STK39: variants seen among roughly 807,000 people sequenced by gnomAD.
STK39 encodes the protein serine/threonine kinase 39, also known as STE20/SPS1-related proline-alanine-rich protein kinase.
Under a neutral mutation model 77.8 loss-of-function variants are expected in STK39, and 20 were observed. The ratio of observed to expected loss-of-function variants is 0.26; its 90% CI spans 0.18 to 0.37. The LOEUF is 0.37. Ranked by LOEUF, STK39 falls within the 10% of genes least tolerant of loss-of-function variation. The pLI, the probability that STK39 is intolerant of heterozygous loss-of-function variation, is 1.00. For missense variants in STK39, 479 were observed against 656.5 expected, an observed-to-expected ratio of 0.73 and a Z score of 2.95; for synonymous variants, 246 against 234.1, an observed-to-expected ratio of 1.05 and a Z score of -0.47.
At position 167,954,958 on chromosome 2, in the gene STK39, ACAGT is replaced by A. The variant is rs1327544700; in HGVS notation, c.*534_*537del. 6.5e-5 allele frequency: 10 copies of A among 152,838 alleles called. No homozygotes were observed. The highest frequency in any genetic ancestry group is 1.2e-4 in the Non-Finnish European group (8 of 68,080). The allele number at this position is 152,838 out of a possible 1,614,324, so 9.5% of individuals were successfully genotyped here. ...CATAAATATATGAAAAATAAAATTCACAGTCAGTTTTAAAACTAGAATTCAAGTT... is the reference window on the plus strand; with the variant it reads ...CATAAATATATGAAAAATAAAATTCACAGTTTTAAAACTAGAATTCAAGTT... On this transcript the variant is annotated 3_prime_UTR_variant, in exon 18 of 18. Coordinates refer to ENST00000355999, the MANE Select transcript of STK39 (RefSeq NM_013233.3).
intron 1 of STK39, among the ~76,000 whole-genome samples, chr2:168,191,479 G>T (rs1689338820): frequency 6.6e-6 from 1 of 152,132 alleles, no homozygotes; most frequent in African/African-American, 2.4e-5. Flanking sequence ...CTGGATTTGG[G>T]CAGATTTTTT....
intron 10 of STK39, among the ~76,000 whole-genome samples, chr2:168,112,227 A>C (rs1687137491): frequency 6.6e-6 from 1 of 152,090 alleles, no homozygotes; most frequent in African/African-American, 2.4e-5. Flanking sequence ...TCTCTACTCC[A>C]AGAGGACAGG....
chr2:168,078,862 T>C (rs1031858544), intron 10 of STK39, among the ~76,000 whole-genome samples: 1 of 152,030 alleles, frequency 6.6e-6, no homozygotes, highest in Non-Finnish European at 1.5e-5. Context: ...GTGGGAATCC[T>C]GCACTCAGCC....
intron 10 of STK39, among the ~76,000 whole-genome samples, chr2:168,089,972 T>C (rs535184289): frequency 6.6e-6 from 1 of 152,354 alleles, no homozygotes; most frequent in Non-Finnish European, 1.5e-5. Flanking sequence ...GTTTGGTCAA[T>C]GAAACTGCCA....
chr2:168,171,493 A>AT (rs11305638), intron 2 of STK39, among the ~76,000 whole-genome samples: 56 of 143,238 alleles, frequency 3.9e-4, no homozygotes, highest in Admixed American at 6.2e-4. Context: ...AAAAAACTTA[A>AT]TTTTTTTTTT....
At chr2:167,971,235 A>G (rs1314622211) in intron 16 of STK39, among the ~76,000 whole-genome samples, 2 of 152,112 alleles carry the variant, frequency 1.3e-5, no homozygotes, top group African/African-American at 4.8e-5. Context: ...CAAATTTCTG[A>G]TCCAAACTGG....
At chr2:168,035,743 T>A (rs1684935604) in intron 14 of STK39, among the ~76,000 whole-genome samples, 1 of 152,220 alleles carries the variant, frequency 6.6e-6, no homozygotes, top group Non-Finnish European at 1.5e-5. Flanking sequence ...GGAAACTTTG[T>A]GGGTGAGCAG....
At chr2:167,970,509 C>T (rs1692304350) in intron 16 of STK39, among the ~76,000 whole-genome samples, 1 of 152,222 alleles carries the variant, frequency 6.6e-6, no homozygotes, top group Non-Finnish European at 1.5e-5. Flanking sequence ...GATTCTAAGA[C>T]ACTAAGAACC....
chr2:168,047,693 T>A (rs899111144), intron 14 of STK39, among the ~76,000 whole-genome samples: 1 of 152,218 alleles, frequency 6.6e-6, no homozygotes, highest in Non-Finnish European at 1.5e-5. Flanking sequence ...TATAAACTTA[T>A]GGGGACAGGA....
chr2:167,987,488 A>T (rs10171012), intron 16 of STK39, among the ~76,000 whole-genome samples: 16,063 of 151,872 alleles, frequency 0.11, 1,202 homozygotes, highest in Middle Eastern at 0.19. Context: ...CTGGGACAAA[A>T]ATATATATAT....
At chr2:168,171,318 T>C (rs1688817453) in intron 2 of STK39, among the ~76,000 whole-genome samples, 1 of 152,084 alleles carries the variant, frequency 6.6e-6, no homozygotes, top group Non-Finnish European at 1.5e-5. Context: ...ACACTGCTGT[T>C]ATGCCAGCCC....
chr2:168,026,670 T>C (rs1684706938), intron 14 of STK39, among the ~76,000 whole-genome samples: 1 of 152,110 alleles, frequency 6.6e-6, no homozygotes. Flanking sequence ...AAAGGAAGAC[T>C]TTTCCCCCAG....
Position 168,208,294 on chromosome 2 carries a change from G to A in STK39, c.209-26204C>T, listed in dbSNP as rs569735180. On this transcript the variant is annotated intron_variant, in intron 1 of 17. Transcript: ENST00000355999. Reference sequence around the variant, plus strand: ...GATTTAAGGATCTGCTAACCTATTGGACTATATAACCCTAAAATGATCAAG... The same window carrying A: ...GATTTAAGGATCTGCTAACCTATTGAACTATATAACCCTAAAATGATCAAG... 2.6e-3 allele frequency among the ~76,000 whole-genome samples: 396 copies of A among 152,222 alleles called. 2 individuals are homozygous for A. Among genetic ancestry groups the A allele is most frequent in the South Asian group, 0.011 (54 of 4,816 alleles).
intron 10 of STK39, among the ~76,000 whole-genome samples, chr2:168,086,476 G>A (rs985040763): frequency 6.6e-6 from 1 of 152,014 alleles, no homozygotes; most frequent in Admixed American, 6.5e-5. Context: ...TTGACTTCTT[G>A]GAATTTAAAG....
chr2:168,085,339 C>A (rs1042737206), intron 10 of STK39, among the ~76,000 whole-genome samples: 1 of 152,214 alleles, frequency 6.6e-6, no homozygotes. Flanking sequence ...TGGCCACCCA[C>A]GCCTGGCTAG....
In STK39 at chr2:168,181,931, T is replaced by C. The variant is rs199942347; in HGVS notation, c.321+47A>G. ...TCTCCCAACCATCCCCATATACCCA[T>C]AGATTAAGAAAAGCAACCAGCAGGT... On this transcript the variant is annotated intron_variant, in intron 2 of 17. Coordinates refer to ENST00000355999, the MANE Select transcript of STK39 (RefSeq NM_013233.3). 28 of 1,531,662 alleles carry C rather than the reference T, an allele frequency of 1.8e-5. No individual in the cohort carries two copies. The African/African-American group carries it at 3.1e-4, about 17-fold the overall frequency. The allele number at this position is 1,531,662 out of a possible 1,614,324, so 94.9% of individuals were successfully genotyped here.
At chr2:168,094,335 C>T (rs1686605836) in intron 10 of STK39, among the ~76,000 whole-genome samples, 1 of 152,200 alleles carries the variant, frequency 6.6e-6, no homozygotes, top group Admixed American at 6.5e-5. Flanking sequence ...GAAAAGTTGT[C>T]TTTGTGCATT....
At chr2:168,142,606 A>T (rs1361585703) in intron 5 of STK39, among the ~76,000 whole-genome samples, 1 of 152,218 alleles carries the variant, frequency 6.6e-6, no homozygotes, top group Non-Finnish European at 1.5e-5. Flanking sequence ...TACACATTTT[A>T]AAAAGTTAGA....
intron 1 of STK39, among the ~76,000 whole-genome samples, chr2:168,195,047 A>AT (rs1281954233): frequency 3.9e-5 from 6 of 152,206 alleles, no homozygotes; most frequent in Non-Finnish European, 7.3e-5. Context: ...GATTAGATTG[A>AT]TAAGTACTTG....
Sources: gnomAD v4.1 joint callset for allele counts (sites outside exome capture counted in the v4.1 genomes callset) on GRCh38, gnomAD v4.1.1 for gene constraint, MANE v1.5 for transcripts, NCBI Gene and HGNC (gene_info 2026-07-23, HGNC 2026-07-21) for gene names.